The following PPP1R12B variants were observed in gnomAD, a reference collection of about 807,000 sequenced individuals.
The protein encoded by PPP1R12B is protein phosphatase 1 regulatory subunit 12B.
PPP1R12B carries 76 observed loss-of-function variants against 126.1 expected under a neutral mutation model. The observed-to-expected ratio is 0.60, with a 90% CI of 0.50 to 0.73. PPP1R12B has a LOEUF of 0.73. PPP1R12B is among the 30% of genes least tolerant of loss of function. The probability of loss-of-function intolerance (pLI) is 0.00; values close to 1 mark genes in which losing one functional copy is unlikely to be tolerated. For synonymous variants in PPP1R12B, 356 were observed against 434.7 expected, an observed-to-expected ratio of 0.82 and a Z score of 2.25; for missense variants, 1,052 against 1,205.1, an observed-to-expected ratio of 0.87 and a Z score of 1.88.
chr1:202,452,631 T>C (rs1225769016), intron 13 of PPP1R12B, among the ~76,000 whole-genome samples: 3 of 152,128 alleles, frequency 2.0e-5, no homozygotes, highest in Admixed American at 6.5e-5. Context: ...TCTTGATTTC[T>C]TTTTCAGATT....
chr1:202,470,241 A>G (rs530659880), intron 13 of PPP1R12B, among the ~76,000 whole-genome samples: 10 of 152,284 alleles, frequency 6.6e-5, no homozygotes, highest in African/African-American at 2.4e-4. Context: ...TCTGCCCCCT[A>G]TGGCGGACCA....
chr1:202,482,293 C>T (rs1040129293), intron 13 of PPP1R12B, among the ~76,000 whole-genome samples: 2 of 152,084 alleles, frequency 1.3e-5, no homozygotes, highest in African/African-American at 2.4e-5. Context: ...TCTATTTTTA[C>T]GTTTTAAAGG....
At chr1:202,522,554 T>A (rs6702436) in intron 18 of PPP1R12B, among the ~76,000 whole-genome samples, 6,203 of 151,798 alleles carry the variant, frequency 0.041, 341 homozygotes, top group African/African-American at 0.12. Flanking sequence ...GGAAAGAAGA[T>A]AAAAAGAAGC....
At chr1:202,363,285 CT>C (rs2148416408) in intron 1 of PPP1R12B, among the ~76,000 whole-genome samples, 1 of 152,292 alleles carries the variant, frequency 6.6e-6, no homozygotes, top group Non-Finnish European at 1.5e-5. Flanking sequence ...CCCACAGTTA[CT>C]GACAAACTCA....
At chr1:202,375,269 C>G (rs1330073440) in intron 1 of PPP1R12B, among the ~76,000 whole-genome samples, 1 of 152,204 alleles carries the variant, frequency 6.6e-6, no homozygotes, top group Non-Finnish European at 1.5e-5. Context: ...TATGCTTCAG[C>G]CAGGAAAACC....
chr1:202,443,355 T>C (rs893056732), intron 12 of PPP1R12B, among the ~76,000 whole-genome samples: 5 of 152,242 alleles, frequency 3.3e-5, no homozygotes, highest in Admixed American at 1.3e-4. Context: ...CCTTCATCAT[T>C]AGGTTTTTTA....
At chr1:202,569,084 A>G in intron 22 of PPP1R12B, 63 bp from the exon 23 acceptor site, 1 of 1,541,654 alleles carries the variant, frequency 6.5e-7, no homozygotes, top group African/African-American at 1.4e-5. Context: ...AGCAGCTGGG[A>G]GGCAGCATTT....
intron 12 of PPP1R12B, 93 bp downstream of exon 12, chr1:202,442,665 C>G: frequency 7.8e-7 from 1 of 1,281,210 alleles, no homozygotes; most frequent in Admixed American, 2.8e-5. Flanking sequence ...CAATTAACAC[C>G]GCAGAAATGA....
intron 20 of PPP1R12B, 34 bp from the exon 21 acceptor site, chr1:202,564,409 C>T (rs376999750): frequency 3.1e-5 from 47 of 1,510,752 alleles, no homozygotes; most frequent in East Asian, 2.0e-4. Context: ...AGTTCTAACG[C>T]GAACGCTGAT....
intron 23 of PPP1R12B, 92 bp downstream of exon 23, chr1:202,569,289 T>C: frequency 7.8e-7 from 1 of 1,283,710 alleles, no homozygotes; most frequent in South Asian, 1.2e-5. Flanking sequence ...CCTCCAGATT[T>C]CACTACAAAC....
At chr1:202,416,688 T>C (rs1668113332) in intron 1 of PPP1R12B, 99 bp from the exon 2 acceptor site, 1 of 1,034,052 alleles carries the variant, frequency 9.7e-7, no homozygotes, top group Non-Finnish European at 1.4e-6. Flanking sequence ...TAATGTATTA[T>C]TAGAACTGCT....
At chr1:202,353,518 T>A (rs963823434) in intron 1 of PPP1R12B, among the ~76,000 whole-genome samples, 1 of 152,074 alleles carries the variant, frequency 6.6e-6, no homozygotes, top group Non-Finnish European at 1.5e-5. Flanking sequence ...GTGTGGTTTT[T>A]TTTTTTGAAA....
At chr1:202,541,403 A>G (rs1489432463) in intron 18 of PPP1R12B, among the ~76,000 whole-genome samples, 2 of 152,180 alleles carry the variant, frequency 1.3e-5, no homozygotes, top group Non-Finnish European at 2.9e-5. Flanking sequence ...TTGTGAGAGC[A>G]CCAAGAGGGG....
chr1:202,372,051 TG>T (rs1660376018), intron 1 of PPP1R12B, among the ~76,000 whole-genome samples: 1 of 151,888 alleles, frequency 6.6e-6, no homozygotes, highest in African/African-American at 2.4e-5. Flanking sequence ...TTTGTATTTT[TG>T]TAGAGACTGG....
intron 1 of PPP1R12B, among the ~76,000 whole-genome samples, chr1:202,391,233 A>G (rs1664111743): frequency 6.6e-6 from 1 of 152,232 alleles, no homozygotes; most frequent in Non-Finnish European, 1.5e-5. Flanking sequence ...CTAAATAGAC[A>G]TGCCTCTAAG....
chr1:202,479,787 C>T (rs1384278936), intron 13 of PPP1R12B, among the ~76,000 whole-genome samples: 1 of 152,168 alleles, frequency 6.6e-6, no homozygotes, highest in Non-Finnish European at 1.5e-5. Flanking sequence ...ATTATCAAAC[C>T]CCTACACCAG....
In PPP1R12B at chr1:202,438,001, G is replaced by C; in HGVS notation, c.1435G>C (p.Ala479Pro). The C allele has an allele frequency of 6.2e-7, 1 of 1,614,018 alleles. No homozygotes were observed. ...CTCCTCTTCAAGCCCTCGGATTTCTGCTCTACTGGACAACAAAGATAAGGT... is the reference window on the plus strand; with the variant it reads ...CTCCTCTTCAAGCCCTCGGATTTCTCCTCTACTGGACAACAAAGATAAGGT... ...YRSSSSPRISALLDNKDKERE... is the reference protein window; with the variant it reads ...YRSSSSPRISPLLDNKDKERE... Residue 479 changes from alanine (A) to proline (P), a missense_variant, in exon 10 of 24, where the codon GCT (alanine) becomes CCT (proline). Transcript: ENST00000608999.
intron 13 of PPP1R12B, among the ~76,000 whole-genome samples, chr1:202,470,291 A>C (rs1267521726): frequency 6.6e-6 from 1 of 152,182 alleles, no homozygotes; most frequent in Non-Finnish European, 1.5e-5. Flanking sequence ...AGTATTTAGC[A>C]TATACTGAGG....
intron 1 of PPP1R12B, among the ~76,000 whole-genome samples, chr1:202,374,493 C>CTCTT (rs1660824776): frequency 2.2e-5 from 2 of 89,506 alleles, no homozygotes; most frequent in Admixed American, 1.7e-4. Flanking sequence ...TTGTCTCTCT[C>CTCTT]TTTTTTTTTT....
Sources: allele counts gnomAD v4.1 joint callset (sites outside exome capture counted in the v4.1 genomes callset), GRCh38; gene constraint gnomAD v4.1.1; transcripts MANE v1.5; gene names NCBI Gene and HGNC (gene_info 2026-07-23, HGNC 2026-07-21).